The following DCAF4 variants were observed in gnomAD, a reference collection of about 807,000 sequenced individuals.
The protein encoded by DCAF4 is DDB1- and CUL4-associated factor 4.
A neutral mutation model predicts 60.9 loss-of-function variants in DCAF4; 37 were observed. The observed-to-expected ratio is 0.61, with a 90% CI of 0.47 to 0.80. The LOEUF (loss-of-function observed/expected upper bound fraction) is 0.80. DCAF4 is among the 30% of genes least tolerant of loss of function. The probability of loss-of-function intolerance (pLI) is 0.00; values close to 1 mark genes in which losing one functional copy is unlikely to be tolerated. For missense variants in DCAF4, 577 were observed against 650.0 expected, an observed-to-expected ratio of 0.89 and a Z score of 1.22; for synonymous variants, 243 against 254.8, an observed-to-expected ratio of 0.95 and a Z score of 0.44.
At chr14:72,931,505 G>A (rs1888572047) in intron 1 of DCAF4, among the ~76,000 whole-genome samples, 3 of 152,086 alleles carry the variant, frequency 2.0e-5, no homozygotes, top group Admixed American at 1.3e-4. Flanking sequence ...ATAAGATCAT[G>A]TTTGGTTGCC....
rs368440658 is a variant in DCAF4 at position 72,929,384 on chromosome 14, C to T, written c.-9+2841C>T. Among the ~76,000 whole-genome samples the T allele has an allele frequency of 4.6e-5, 7 of 152,298 alleles. No individual in the cohort carries two copies. In the South Asian group the frequency reaches 1.0e-3, roughly 23 times the overall value. ...GTGCACTACATACACATACGCTGGG[C>T]ACATACTGGCTCTCTGTGTTAAATC... On this transcript the variant is annotated intron_variant, in intron 1 of 13. Coordinates refer to ENST00000358377, the MANE Select transcript of DCAF4 (RefSeq NM_015604.4).
At chr14:72,953,709 TAA>T (rs778771457) in intron 9 of DCAF4, among the ~76,000 whole-genome samples, 1,814 of 9,982 alleles carry the variant, frequency 0.18, 188 homozygotes, top group Middle Eastern at 0.25. Context: ...GACCCTGTCT[TAA>T]AAAAAAAAAA....
intron 9 of DCAF4, among the ~76,000 whole-genome samples, chr14:72,952,525 A>G (rs1891544221): frequency 6.6e-6 from 1 of 152,120 alleles, no homozygotes; most frequent in Non-Finnish European, 1.5e-5. Flanking sequence ...TCTTACCACC[A>G]TTTTACAGAT....
At position 72,935,261 on chromosome 14, in the gene DCAF4, A is replaced by ATTTT. The variant is rs34981002; in HGVS notation, c.-8-2702_-8-2699dup. The ATTTT allele has an allele frequency of 7.8e-3, 1,155 of 148,514 alleles. 14 individuals are homozygous for ATTTT. Among genetic ancestry groups the ATTTT allele is most frequent in the East Asian group, 0.034 (173 of 5,086 alleles). 9.2% of individuals were successfully genotyped at this position (148,514 alleles called of 1,614,324 possible). ...CTATTAGTATGTGACTTTTTAAATG[A>ATTTT]TTTTTTTTTTTGAGACGGAGTTTCA... On this transcript the variant is annotated intron_variant, in intron 1 of 13. Coordinates refer to ENST00000358377, the MANE Select transcript of DCAF4 (RefSeq NM_015604.4).
intron 1 of DCAF4, chr14:72,929,659 T>A: frequency 7.5e-7 from 1 of 1,339,328 alleles, no homozygotes; most frequent in South Asian, 1.2e-5. Flanking sequence ...AGTACCTTGC[T>A]CAGCTCCTCC....
At chr14:72,949,586 C>G (rs1891155862) in intron 8 of DCAF4, among the ~76,000 whole-genome samples, 1 of 152,148 alleles carries the variant, frequency 6.6e-6, no homozygotes, top group South Asian at 2.1e-4. Context: ...GAAACCCCAT[C>G]TCTACTAAAA....
intron 8 of DCAF4, among the ~76,000 whole-genome samples, chr14:72,947,986 A>G (rs1227131685): frequency 6.6e-6 from 1 of 152,126 alleles, no homozygotes; most frequent in Non-Finnish European, 1.5e-5. Flanking sequence ...CTCTTATTAA[A>G]TGTGTTCTGG....
chr14:72,937,795 G>A (rs1450676454), intron 1 of DCAF4, 176 bp from the exon 2 acceptor site: 1 of 514,036 alleles, frequency 1.9e-6, no homozygotes, highest in African/African-American at 2.1e-5. Flanking sequence ...GAAGGATGTT[G>A]GGGGAGTGCT....
intron 7 of DCAF4, among the ~76,000 whole-genome samples, chr14:72,946,298 G>T (rs969163882): frequency 2.0e-5 from 3 of 152,016 alleles, no homozygotes; most frequent in Admixed American, 6.6e-5. Flanking sequence ...GGGGGCTCGG[G>T]GGGAGGTGAG....
At chr14:72,942,544 C>T (rs1461475910) in intron 5 of DCAF4, 3 of 159,600 alleles carry the variant, frequency 1.9e-5, no homozygotes, top group African/African-American at 7.2e-5. Context: ...TTTCCTCCTT[C>T]TGAGACAGAA....
intron 11 of DCAF4, 91 bp downstream of exon 11, chr14:72,954,574 G>C (rs1316312956): frequency 8.3e-7 from 1 of 1,200,214 alleles, no homozygotes; most frequent in East Asian, 2.4e-5. Flanking sequence ...GTGCCATCTA[G>C]TACTCTTTGA....
chr14:72,939,966 T>C, intron 3 of DCAF4, 64 bp downstream of exon 3: 2 of 1,443,966 alleles, frequency 1.4e-6, no homozygotes, highest in East Asian at 5.0e-5. Flanking sequence ...GACCCGTTCC[T>C]GGCTTGGAAG....
chr14:72,953,709 TAAAAA>T (rs778771457), intron 9 of DCAF4, among the ~76,000 whole-genome samples: 217 of 10,030 alleles, frequency 0.022, 4 homozygotes, highest in African/African-American at 0.034. Context: ...GACCCTGTCT[TAAAAA>T]AAAAAAAAAA....
chr14:72,940,555 C>A, intron 4 of DCAF4, 178 bp downstream of exon 4: 2 of 569,568 alleles, frequency 3.5e-6, no homozygotes, highest in East Asian at 6.9e-5. Flanking sequence ...GCCAAGAGCC[C>A]CCTTCTTCCA....
At position 72,947,341 on chromosome 14, in the gene DCAF4, G is replaced by A. The variant is rs555779153; in HGVS notation, c.728+150G>A. ...CTCACGCTTTAGAAAAAAAAGCAGC[G>A]TACCTGGATAGAACACAAGGATGCC... On this transcript the variant is annotated intron_variant, in intron 8 of 13. Coordinates refer to ENST00000358377, the MANE Select transcript of DCAF4 (RefSeq NM_015604.4). 1,263 of 909,910 alleles carry A rather than the reference G, an allele frequency of 1.4e-3. 5 individuals are homozygous for A. Among genetic ancestry groups the A allele is most frequent in the Non-Finnish European group, 1.8e-3 (1,011 of 563,098 alleles). 56.4% of individuals were successfully genotyped at this position (909,910 alleles called of 1,614,324 possible).
At chr14:72,931,341 G>A (rs1482470015) in intron 1 of DCAF4, among the ~76,000 whole-genome samples, 1 of 137,658 alleles carries the variant, frequency 7.3e-6, no homozygotes, top group Non-Finnish European at 1.5e-5. Flanking sequence ...CATTGTAAAT[G>A]TAACTTTTCT....
At chr14:72,932,180 G>A (rs1466255001) in intron 1 of DCAF4, among the ~76,000 whole-genome samples, 5 of 152,036 alleles carry the variant, frequency 3.3e-5, no homozygotes, top group Admixed American at 6.6e-5. Flanking sequence ...GTAGAGATGA[G>A]GTTTCACTCT....
intron 1 of DCAF4, among the ~76,000 whole-genome samples, chr14:72,932,023 CTG>C (rs1888646418): frequency 7.1e-6 from 1 of 141,760 alleles, no homozygotes; most frequent in African/African-American, 2.6e-5. Flanking sequence ...GAGTCTTGCT[CTG>C]TTGCCCAGGC....
intron 6 of DCAF4, among the ~76,000 whole-genome samples, chr14:72,943,745 C>T (rs1431140343): frequency 6.6e-6 from 1 of 152,158 alleles, no homozygotes; most frequent in Non-Finnish European, 1.5e-5. Context: ...AGAGCAGGGC[C>T]TGCCCGGCAA....
Sources: allele counts gnomAD v4.1 joint callset (sites outside exome capture counted in the v4.1 genomes callset), GRCh38; gene constraint gnomAD v4.1.1; transcripts MANE v1.5; gene names NCBI Gene and HGNC (gene_info 2026-07-23, HGNC 2026-07-21).